Variants in CFAP54 observed in about 807,000 individuals in gnomAD.
The protein encoded by CFAP54 is cilia- and flagella-associated protein 54.
CFAP54 carries 290 observed loss-of-function variants against 370.4 expected under a neutral mutation model. The observed-to-expected ratio is 0.78, with a 90% CI of 0.71 to 0.86. CFAP54 has a LOEUF of 0.86. Ranked by LOEUF, CFAP54 falls within the 40% of genes least tolerant of loss-of-function variation. The pLI is 0.00. For missense variants in CFAP54, 3,399 were observed against 3,528.7 expected, an observed-to-expected ratio of 0.96 and a Z score of 0.93; for synonymous variants, 1,206 against 1,236.5, an observed-to-expected ratio of 0.98 and a Z score of 0.52.
At chr12:96,513,676 G>T (rs901839210) in intron 5 of CFAP54, among the ~76,000 whole-genome samples, 2 of 152,272 alleles carry the variant, frequency 1.3e-5, no homozygotes, top group East Asian at 3.9e-4. Context: ...GGGAGGCGGA[G>T]GTTGCAGAGA....
rs574912625 is a variant in CFAP54, at chr12:96,675,439, C to G, written c.5564-4161C>G. 5.0e-3 allele frequency among the ~76,000 whole-genome samples: 762 copies of G among 152,278 alleles called. 4 individuals carry two copies. Among genetic ancestry groups the G allele is most frequent in the African/African-American group, 0.017 (696 of 41,544 alleles). On this transcript the variant is annotated intron_variant, in intron 39 of 67. Coordinates refer to ENST00000524981, the MANE Select transcript of CFAP54 (RefSeq NM_001306084.2). Reference sequence around the variant, plus strand: ...CGATCATTAAAAAGTCAGGAAACGACAGGTGCTGGAGAGGATGTGGAGAAA... The same window carrying G: ...CGATCATTAAAAAGTCAGGAAACGAGAGGTGCTGGAGAGGATGTGGAGAAA...
At chr12:96,751,488 A>G (rs1302306887) in intron 55 of CFAP54, among the ~76,000 whole-genome samples, 1 of 152,152 alleles carries the variant, frequency 6.6e-6, no homozygotes, top group Non-Finnish European at 1.5e-5. Flanking sequence ...TATATAATAT[A>G]AACTGTATAG....
At chr12:96,536,568 A>G (rs931426208) in intron 12 of CFAP54, among the ~76,000 whole-genome samples, 26 of 152,042 alleles carry the variant, frequency 1.7e-4, no homozygotes, top group Admixed American at 1.4e-3. Context: ...AATAGCGATC[A>G]AGGCTTAAAA....
chr12:96,743,351 A>G, intron 52 of CFAP54, 51 bp from the exon 53 acceptor site: 1 of 1,588,090 alleles, frequency 6.3e-7, no homozygotes, highest in Non-Finnish European at 8.6e-7. Flanking sequence ...ACACATGTAT[A>G]ACTTCTGACT....
In CFAP54 at chr12:96,589,546, T is replaced by C. The variant is rs998203755; in HGVS notation, c.3195T>C (p.Ile1065=). ...CTGTTATTTGTTTAAGCAATATAAT[T>C]ACTATTACACAAAGAAGGTAATTAG... The part of the protein sequence containing the change: ...EQSVICLSNI[I]TITQRRLHSD... The change falls in exon 23 of 68, where the codon ATT becomes ATC. Residue 1065 remains isoleucine, a synonymous_variant. Transcript: ENST00000524981. 3.8e-5 allele frequency: 56 copies of C among 1,457,598 alleles called. No individual in the cohort carries two copies. The highest frequency in any genetic ancestry group is 5.0e-5 in the Non-Finnish European group (54 of 1,077,112). The allele number at this position is 1,457,598 out of a possible 1,614,324, so 90.3% of individuals were successfully genotyped here.
chr12:96,690,776 T>C (rs1957380026), intron 43 of CFAP54, among the ~76,000 whole-genome samples: 1 of 152,184 alleles, frequency 6.6e-6, no homozygotes, highest in African/African-American at 2.4e-5. Context: ...ATAATAATCC[T>C]TCTAAGAGCA....
At chr12:96,846,471 T>G (rs567819996) in intron 66 of CFAP54, among the ~76,000 whole-genome samples, 1 of 152,200 alleles carries the variant, frequency 6.6e-6, no homozygotes, top group Admixed American at 6.5e-5. Context: ...AAAAATTCTT[T>G]CCTGGGGAAA....
intron 39 of CFAP54, among the ~76,000 whole-genome samples, chr12:96,675,590 A>G (rs1791233229): frequency 6.6e-6 from 1 of 152,202 alleles, no homozygotes; most frequent in Non-Finnish European, 1.5e-5. Context: ...ATTACTGGGT[A>G]TATACCCAAA....
At chr12:96,648,959 C>T (rs914057040) in intron 34 of CFAP54, among the ~76,000 whole-genome samples, 1 of 152,160 alleles carries the variant, frequency 6.6e-6, no homozygotes, top group African/African-American at 2.4e-5. Flanking sequence ...TTCCACACCC[C>T]TTTCCTGCAA....
chr12:96,865,540 A>G (rs1959980104), intron 67 of CFAP54, among the ~76,000 whole-genome samples: 1 of 152,190 alleles, frequency 6.6e-6, no homozygotes, highest in African/African-American at 2.4e-5. Flanking sequence ...CACCTCTTGG[A>G]TAAAGGAGGG....
intron 39 of CFAP54, among the ~76,000 whole-genome samples, chr12:96,679,097 T>C (rs138683324): frequency 9.5e-4 from 145 of 152,278 alleles, no homozygotes; most frequent in African/African-American, 3.3e-3. Flanking sequence ...GACAGTTAGT[T>C]AGTTCTATAC....
chr12:96,683,819 T>G (rs987574204), intron 40 of CFAP54, among the ~76,000 whole-genome samples: 4 of 151,720 alleles, frequency 2.6e-5, no homozygotes, highest in Non-Finnish European at 5.9e-5. Context: ...TGAGATGGAG[T>G]CTCACTCTGT....
In CFAP54 at chr12:96,688,981, A is replaced by G; in HGVS notation, c.6080A>G (p.Gln2027Arg). 1 of 1,562,842 alleles carries G rather than the reference A, an allele frequency of 6.4e-7. No homozygotes were observed. The highest frequency in any genetic ancestry group is 8.7e-7 in the Non-Finnish European group (1 of 1,152,636). ...DCCILSALLF[Q>R]GLLRTTLPHP... ...TGCATTTTGTCTGCGTTACTCTTTC[A>G]GGTAACACTCTATGTATGTATGTTT... Residue 2027 changes from glutamine (Q) to arginine (R), a missense_variant and splice_region_variant, in exon 43 of 68, where the codon CAG becomes CGG. Transcript: ENST00000524981.
intron 6 of CFAP54, among the ~76,000 whole-genome samples, chr12:96,519,526 C>T (rs1259887362): frequency 6.6e-6 from 1 of 152,156 alleles, no homozygotes; most frequent in Non-Finnish European, 1.5e-5. Context: ...CACAAATTGG[C>T]TTGGCTTTTC....
In CFAP54 at chr12:96,651,714, A is replaced by T. The variant is rs1321141629; in HGVS notation, c.4999A>T (p.Ser1667Cys). ...GGATCTTGATAAAACATTTCCTATT[A>T]GCCAAGATGGTTTCCTCTGCACCTC... Reference protein sequence around the residue: ...AVDLDKTFPISQDGFLCTSVL... With the variant: ...AVDLDKTFPICQDGFLCTSVL... The change falls in exon 36 of 68, where the codon AGC (serine) becomes TGC (cysteine). Residue 1667 changes from serine (S) to cysteine (C), a missense_variant. Transcript: ENST00000524981. 1.2e-6 allele frequency: 2 copies of T among 1,613,848 alleles called. No homozygotes were observed. Among genetic ancestry groups the T allele is most frequent in the Admixed American group, 3.3e-5 (2 of 60,004 alleles).
At chr12:96,790,189 A>C (rs114743254) in intron 62 of CFAP54, among the ~76,000 whole-genome samples, 81 of 152,322 alleles carry the variant, frequency 5.3e-4, no homozygotes, top group African/African-American at 1.9e-3. Flanking sequence ...ACTGTGCATA[A>C]TGCTGAGTTA....
intron 36 of CFAP54, among the ~76,000 whole-genome samples, chr12:96,653,990 T>G (rs1329851467): frequency 6.6e-6 from 1 of 152,132 alleles, no homozygotes; most frequent in Non-Finnish European, 1.5e-5. Context: ...ATAAGTTTGA[T>G]CACTTAGGTG....
intron 1 of CFAP54, 66 bp downstream of exon 1, chr12:96,489,992 G>T: frequency 7.1e-7 from 1 of 1,403,934 alleles, no homozygotes; most frequent in Non-Finnish European, 9.4e-7. Flanking sequence ...AGGGCTGGAG[G>T]ATGCAGGTGG....
rs1350773743 is a variant in CFAP54, at chr12:96,594,243, G to C, written c.3361-48G>C. On this transcript the variant is annotated intron_variant, in intron 24 of 67. Coordinates refer to ENST00000524981, the MANE Select transcript of CFAP54 (RefSeq NM_001306084.2). ...ACCCATTCTCCGTAGAGACACATAC[G>C]CTAAGCACCTATGTTCAATCTGAGT... is the stretch of plus-strand genomic sequence containing the variant. The C allele has an allele frequency of 2.9e-6, 4 of 1,363,418 alleles. No homozygotes were observed. In the South Asian group the frequency reaches 6.0e-5, roughly 20 times the overall value. The allele number at this position is 1,363,418 out of a possible 1,614,324, so 84.5% of individuals were successfully genotyped here. A position where few individuals can be genotyped will look rare whatever the true frequency, so the allele number is the denominator to read the frequency against.
Sources: allele counts gnomAD v4.1 joint callset (sites outside exome capture counted in the v4.1 genomes callset), GRCh38; gene constraint gnomAD v4.1.1; transcripts MANE v1.5; gene names NCBI Gene and HGNC (gene_info 2026-07-23, HGNC 2026-07-21).